PPARGC1A: variants seen among roughly 807,000 people sequenced by gnomAD.
The protein encoded by PPARGC1A is peroxisome proliferator-activated receptor gamma coactivator 1-alpha.
A neutral mutation model predicts 88.7 loss-of-function variants in PPARGC1A; 25 were observed. The observed-to-expected ratio is 0.28, with a 90% confidence interval of 0.21 to 0.39. PPARGC1A has a LOEUF of 0.39. Ranked by LOEUF, PPARGC1A falls within the 10% of genes least tolerant of loss-of-function variation. The pLI is 1.00. For synonymous variants in PPARGC1A, 363 were observed against 355.6 expected (o/e 1.02, Z -0.24); for missense variants, 880 against 968.7 (o/e 0.91, Z 1.22).
chr4:23,907,729 C>CGTAGTTCGA (rs5856804), upstream of PPARGC1A, among the ~76,000 whole-genome samples: 26,656 of 151,962 alleles, frequency 0.18, 2,786 homozygotes, highest in East Asian at 0.36. Flanking sequence ...CCCTTTTCTA[C>CGTAGTTCGA]GTAGTTCGAG....
chr4:24,397,163 A>C, the PPARGC1A span, among the ~76,000 whole-genome samples: 1 of 152,230 alleles, frequency 6.6e-6, no homozygotes, highest in Admixed American at 6.5e-5. Flanking sequence ...TAATCAAAGA[A>C]GAGTAAATTA....
At chr4:24,130,903 T>A in the PPARGC1A span, among the ~76,000 whole-genome samples, 1 of 152,128 alleles carries the variant, frequency 6.6e-6, no homozygotes, top group Non-Finnish European at 1.5e-5. Context: ...CTGAGCCATA[T>A]GGTCTGCACT....
chr4:24,418,426 T>C, the PPARGC1A span, among the ~76,000 whole-genome samples: 1 of 152,216 alleles, frequency 6.6e-6, no homozygotes, highest in East Asian at 1.9e-4. Flanking sequence ...AAGTCCTACA[T>C]GAGCCAGCCA....
chr4:24,291,935 G>A, the PPARGC1A span, among the ~76,000 whole-genome samples: 1 of 152,282 alleles, frequency 6.6e-6, no homozygotes, highest in African/African-American at 2.4e-5. Context: ...GAGAAAATCA[G>A]GACACCCACA....
chr4:24,174,519 C>T, the PPARGC1A span, among the ~76,000 whole-genome samples: 311 of 152,312 alleles, frequency 2.0e-3, 2 homozygotes, highest in African/African-American at 6.9e-3. Context: ...GCACTCACTG[C>T]GGACATATAT....
chr4:24,406,592 T>C, the PPARGC1A span, among the ~76,000 whole-genome samples: 1 of 152,196 alleles, frequency 6.6e-6, no homozygotes, highest in Non-Finnish European at 1.5e-5. Flanking sequence ...TAGTCATCTC[T>C]CCCTTTCAAA....
chr4:23,913,261 T>TAGAGAGAGAGAGAGAGAG, the PPARGC1A span, among the ~76,000 whole-genome samples: 1 of 54,614 alleles, frequency 1.8e-5, no homozygotes, highest in Non-Finnish European at 3.8e-5. Context: ...TATATATATA[T>TAGAGAGAGAGAGAGAGAG]ATATATAGAG....
the PPARGC1A span, among the ~76,000 whole-genome samples, chr4:24,277,303 A>C: frequency 6.6e-6 from 1 of 152,160 alleles, no homozygotes. Flanking sequence ...GCACATGTAG[A>C]CTTTGATATA....
the PPARGC1A span, among the ~76,000 whole-genome samples, chr4:24,439,356 T>C: frequency 6.6e-6 from 1 of 152,200 alleles, no homozygotes; most frequent in African/African-American, 2.4e-5. Context: ...AGCTTTGTAG[T>C]TAATAAGACC....
intron 7 of PPARGC1A, among the ~76,000 whole-genome samples, chr4:23,818,729 C>T (rs1429960376): frequency 6.7e-6 from 1 of 149,836 alleles, no homozygotes. Flanking sequence ...CGCTATGAAA[C>T]GATTTTCTTG....
chr4:24,356,986 A>G, the PPARGC1A span, among the ~76,000 whole-genome samples: 4 of 152,120 alleles, frequency 2.6e-5, no homozygotes, highest in African/African-American at 9.7e-5. Flanking sequence ...CAAAGGAATT[A>G]ATGTTCCCCA....
chr4:24,402,219 T>C, the PPARGC1A span, among the ~76,000 whole-genome samples: 2 of 152,174 alleles, frequency 1.3e-5, no homozygotes. Context: ...ATGGCGGACG[T>C]GGACCAATGG....
chr4:24,275,962 G>A, the PPARGC1A span, among the ~76,000 whole-genome samples: 13 of 152,210 alleles, frequency 8.5e-5, no homozygotes, highest in African/African-American at 3.1e-4. Context: ...AGAAAGAATT[G>A]AAGGAAATGA....
the PPARGC1A span, among the ~76,000 whole-genome samples, chr4:24,099,389 A>G: frequency 6.6e-6 from 1 of 151,920 alleles, no homozygotes; most frequent in African/African-American, 2.4e-5. Flanking sequence ...TGAAATTCAA[A>G]CACTCCTAGG....
the PPARGC1A span, among the ~76,000 whole-genome samples, chr4:24,309,833 C>T: frequency 1.3e-5 from 2 of 152,126 alleles, no homozygotes; most frequent in African/African-American, 2.4e-5. Flanking sequence ...CAAGGAAGAC[C>T]AATCCTGAGA....
chr4:24,135,164 C>T, the PPARGC1A span, among the ~76,000 whole-genome samples: 5 of 152,068 alleles, frequency 3.3e-5, no homozygotes, highest in Non-Finnish European at 7.4e-5. Context: ...ATTAAAACTA[C>T]AATAAACCAA....
At chr4:23,827,820 G>A (rs1724235307) in intron 5 of PPARGC1A, among the ~76,000 whole-genome samples, 1 of 151,900 alleles carries the variant, frequency 6.6e-6, no homozygotes, top group Non-Finnish European at 1.5e-5. Context: ...GGAGGAGAAG[G>A]GGAAGAAGGA....
At chr4:24,022,533 A>G in the PPARGC1A span, among the ~76,000 whole-genome samples, 1 of 152,184 alleles carries the variant, frequency 6.6e-6, no homozygotes, top group African/African-American at 2.4e-5. Flanking sequence ...CTAGCAAAGC[A>G]TGTGGCACAT....
chr4:24,079,507 C>T, the PPARGC1A span, among the ~76,000 whole-genome samples: 1 of 152,038 alleles, frequency 6.6e-6, no homozygotes, highest in East Asian at 1.9e-4. Context: ...TTAAAAGCAT[C>T]AAGCCTTTTG....
Sources: allele counts gnomAD v4.1 joint callset (sites outside exome capture counted in the v4.1 genomes callset), GRCh38; gene constraint gnomAD v4.1.1; transcripts MANE v1.5; gene names NCBI Gene and HGNC (gene_info 2026-07-23, HGNC 2026-07-21).